The following RSPH10B2 variants were observed in gnomAD, a reference collection of about 807,000 sequenced individuals.
RSPH10B2 encodes the protein radial spoke head 10 homolog B2, also known as radial spoke head 10 homolog B2 (Chlamydomonas).
A neutral mutation model predicts 49.0 loss-of-function variants in RSPH10B2; 9 were observed. The ratio of observed to expected loss-of-function variants is 0.18; its 90% CI spans 0.11 to 0.32. The LOEUF is 0.32. Among genes scored for constraint, RSPH10B2 ranks in the 10% least tolerant of loss-of-function variants. RSPH10B2 has a pLI of 1.00. For missense variants in RSPH10B2, 95 were observed against 589.9 expected, an observed-to-expected ratio of 0.16 and a Z score of 8.69; for synonymous variants, 35 against 210.2, an observed-to-expected ratio of 0.17 and a Z score of 7.21.
chr7:6,768,297 G>A (rs1365866520), intron 6 of RSPH10B2, among the ~76,000 whole-genome samples: 1 of 152,306 alleles, frequency 6.6e-6, no homozygotes, highest in African/African-American at 2.4e-5. Context: ...AGTAGAGATG[G>A]GGTTTCAACA....
chr7:6,758,927 C>T (rs1469523941), intron 1 of RSPH10B2, among the ~76,000 whole-genome samples, 157 bp from the exon 4 acceptor site: 1 of 138,186 alleles, frequency 7.2e-6, no homozygotes, highest in African/African-American at 2.7e-5. Context: ...CCCTGGTAAC[C>T]TCTTCTACTT....
rs1168358127 is a variant in RSPH10B2 at position 6,769,615 on chromosome 7, G to T, written c.957+849G>T. 4.5e-5 allele frequency among the ~76,000 whole-genome samples: 5 copies of T among 111,820 alleles called. 1 individual carries two copies. The highest frequency in any genetic ancestry group is 7.5e-5 in the Non-Finnish European group (4 of 53,438). The allele number at this position is 111,820 out of a possible 152,430, so 73.4% of individuals were successfully genotyped here. A position where few individuals can be genotyped will look rare whatever the true frequency, so the allele number is the denominator to read the frequency against. ...TTTTTTTTCTTTTTTTTGAGACAGAGTTTCGCTCTGTTGCCCAGGCTGGAG... is the reference window on the plus strand; with the variant it reads ...TTTTTTTTCTTTTTTTTGAGACAGATTTTCGCTCTGTTGCCCAGGCTGGAG... On this transcript the variant is annotated intron_variant, in intron 7 of 18. Coordinates refer to ENST00000297186, the Ensembl canonical transcript of RSPH10B2.
intron 6 of RSPH10B2, among the ~76,000 whole-genome samples, chr7:6,767,202 G>A (rs1477115735): frequency 1.7e-4 from 3 of 17,806 alleles, no homozygotes; most frequent in Non-Finnish European, 4.1e-4. Flanking sequence ...TTCGAACTCC[G>A]GACCTCAAGT....
chr7:6,784,706 C>T (rs1414289149), intron 13 of RSPH10B2, among the ~76,000 whole-genome samples: 5 of 130,826 alleles, frequency 3.8e-5, no homozygotes, highest in Non-Finnish European at 6.3e-5. Context: ...GCTGGGACTA[C>T]AGGCACATGC....
intron 9 of RSPH10B2, among the ~76,000 whole-genome samples, chr7:6,774,759 T>TG (rs1433091061): frequency 2.1e-5 from 3 of 144,834 alleles, no homozygotes; most frequent in East Asian, 2.1e-4. Flanking sequence ...TTTTTTGTTT[T>TG]TTTTTTTTTC....
At chr7:6,770,551 C>T (rs1781597353) in intron 7 of RSPH10B2, among the ~76,000 whole-genome samples, 1 of 128,492 alleles carries the variant, frequency 7.8e-6, no homozygotes, top group Non-Finnish European at 1.7e-5. Context: ...GCGGAGGTTG[C>T]AGTGAGTTAA....
At chr7:6,764,371 T>C (rs1377074040) in intron 4 of RSPH10B2, among the ~76,000 whole-genome samples, 1 of 150,720 alleles carries the variant, frequency 6.6e-6, no homozygotes, top group Non-Finnish European at 1.5e-5. Flanking sequence ...ATTAATTTTT[T>C]TTTTTTTGAG....
chr7:6,776,873 TCACACACACACACACACA>T lies in RSPH10B2; in HGVS notation c.1414+364_1414+381del, dbSNP rs746541740. Among the ~76,000 whole-genome samples the T allele has an allele frequency of 9.0e-5, 10 of 111,074 alleles. 1 individual carries two copies. Among genetic ancestry groups the T allele is most frequent in the East Asian group, 1.0e-3 (2 of 1,932 alleles). The allele number at this position is 111,074 out of a possible 152,430, so 72.9% of individuals were successfully genotyped here. ...GCCTGGGTGACAGGGCGAGACTCCA[TCACACACACACACACACA>T]CACACACACACACACACACACACAC... On this transcript the variant is annotated intron_variant, in intron 10 of 18. Transcript: ENST00000297186.
At position 6,758,615 on chromosome 7, in the gene RSPH10B2, C is replaced by T. The variant is rs576585651; in HGVS notation, c.255-469C>T. ...ATCCCAGCACTTTGGGAGGCTGAGG[C>T]GGGCAGATCACTTGAGGCCAGGAGT... On this transcript the variant is annotated intron_variant, in intron 1 of 18. Transcript: ENST00000297186. Among the ~76,000 whole-genome samples the T allele has an allele frequency of 9.0e-4, 117 of 129,616 alleles. 2 individuals carry two copies. Among genetic ancestry groups the T allele is most frequent in the Middle Eastern group, 3.7e-3 (1 of 268 alleles). The allele number at this position is 129,616 out of a possible 152,430, so 85.0% of individuals were successfully genotyped here.
intron 13 of RSPH10B2, among the ~76,000 whole-genome samples, chr7:6,783,725 G>T (rs1265962657): frequency 6.6e-6 from 1 of 151,576 alleles, no homozygotes; most frequent in Non-Finnish European, 1.5e-5. Context: ...CTCGTGCCTC[G>T]GCCTCCTGAA....
intron 17 of RSPH10B2, among the ~76,000 whole-genome samples, chr7:6,793,611 C>G (rs867101803): frequency 7.7e-6 from 1 of 129,212 alleles, no homozygotes; most frequent in Non-Finnish European, 1.6e-5. Flanking sequence ...TTTGGGAGGC[C>G]GAGGCAGGCA....
In RSPH10B2 at chr7:6,781,401, C is replaced by T. The variant is rs10234394; in HGVS notation, c.1683C>T (p.Leu561=). The T allele has an allele frequency of 1.2e-3, 1,592 of 1,295,526 alleles. 414 individuals are homozygous for T. The African/African-American group carries it at 0.026, about 21-fold the overall frequency. The allele number at this position is 1,295,526 out of a possible 1,614,324, so 80.3% of individuals were successfully genotyped here. ...TGAATAAGTGCTGGGAGATTTATCT[C>T]GCTTACTGCAGACCCAGTGCAGCGC... The change falls in exon 13 of 19, where the codon CTC becomes CTT. Residue 561 remains leucine (L), a synonymous_variant. Coordinates refer to ENST00000297186, the Ensembl canonical transcript of RSPH10B2.
upstream of RSPH10B2, among the ~76,000 whole-genome samples, chr7:6,752,155 C>G (rs1583485894): frequency 1.3e-5 from 2 of 150,402 alleles, no homozygotes; most frequent in Non-Finnish European, 3.0e-5. Context: ...GGATTCTCTG[C>G]CCGGCTGGAA....
chr7:6,797,107 C>G (rs1782608381), intron 18 of RSPH10B2, among the ~76,000 whole-genome samples: 2 of 142,240 alleles, frequency 1.4e-5, no homozygotes. Context: ...CTCCCGGGTT[C>G]AAGCGATTCT....
At chr7:6,768,306 C>A (rs1388271320) in intron 6 of RSPH10B2, among the ~76,000 whole-genome samples, 1 of 152,308 alleles carries the variant, frequency 6.6e-6, no homozygotes, top group Non-Finnish European at 1.5e-5. Context: ...GGGGTTTCAA[C>A]ATGTTGGCCA....
At chr7:6,793,924 C>T (rs1258199962) in intron 17 of RSPH10B2, among the ~76,000 whole-genome samples, 2 of 152,174 alleles carry the variant, frequency 1.3e-5, no homozygotes, top group East Asian at 1.9e-4. Flanking sequence ...TCCTTTGCTG[C>T]TAGGCATCTT....
chr7:6,765,917 G>A lies in RSPH10B2; in HGVS notation c.659+126G>A, dbSNP rs901177025. Reference sequence around the variant, plus strand: ...ATGGAACATTTTCTCTCTAAGCAGAGTGGATTTTTTCTCTTTTCTTTGAGA... The same window carrying A: ...ATGGAACATTTTCTCTCTAAGCAGAATGGATTTTTTCTCTTTTCTTTGAGA... On this transcript the variant is annotated intron_variant, in intron 5 of 18. Transcript: ENST00000297186. The A allele has an allele frequency of 7.6e-4, 636 of 841,616 alleles. 40 individuals carry two copies. Among genetic ancestry groups the A allele is most frequent in the Non-Finnish European group, 9.5e-4 (595 of 625,716 alleles). 52.1% of individuals were successfully genotyped at this position (841,616 alleles called of 1,614,324 possible). A position where few individuals can be genotyped will look rare whatever the true frequency, so the allele number is the denominator to read the frequency against.
At chr7:6,782,885 A>G (rs1459400260) in intron 13 of RSPH10B2, among the ~76,000 whole-genome samples, 1 of 122,726 alleles carries the variant, frequency 8.1e-6, no homozygotes, top group Non-Finnish European at 1.7e-5. Context: ...CTCTGTCTCA[A>G]AAAAAAACTA....
intron 17 of RSPH10B2, chr7:6,794,142 G>T (rs28651342): frequency 6.1e-6 from 1 of 164,012 alleles, no homozygotes; most frequent in Non-Finnish European, 1.3e-5. Flanking sequence ...GGTATCTTGG[G>T]GGGCTGTGTA....
Sources: gnomAD v4.1 joint callset for allele counts (sites outside exome capture counted in the v4.1 genomes callset) on GRCh38, gnomAD v4.1.1 for gene constraint, MANE v1.5 for transcripts, NCBI Gene and HGNC (gene_info 2026-07-23, HGNC 2026-07-21) for gene names.